The following TLL2 variants were observed in gnomAD, a reference collection of about 807,000 sequenced individuals.
TLL2 encodes tolloid-like protein 2.
TLL2 carries 106 observed loss-of-function variants against 123.0 expected under a neutral mutation model. That is an observed-to-expected ratio of 0.86 (90% CI 0.74 to 1.01). The LOEUF (loss-of-function observed/expected upper bound fraction) is 1.01. Among genes scored for constraint, TLL2 ranks in the 50% least tolerant of loss-of-function variants. The pLI is 0.00. For missense variants in TLL2, 1,332 were observed against 1,336.7 expected (o/e 1.00, Z 0.06); for synonymous variants, 494 against 516.8 (o/e 0.96, Z 0.60).
chr10:96,374,971 G>T (rs985853088), intron 18 of TLL2, among the ~76,000 whole-genome samples: 13 of 144,564 alleles, frequency 9.0e-5, no homozygotes, highest in African/African-American at 1.8e-4. Flanking sequence ...CGGGGGGGGG[G>T]GGGGGGTGTC....
chr10:96,466,041 G>A (rs761830013), intron 2 of TLL2, among the ~76,000 whole-genome samples: 5 of 152,318 alleles, frequency 3.3e-5, no homozygotes, highest in Middle Eastern at 6.8e-3. Flanking sequence ...AGGACCTCTC[G>A]CTTGAAGGGG....
intron 10 of TLL2, among the ~76,000 whole-genome samples, chr10:96,398,014 C>T (rs1250634941): frequency 2.6e-5 from 4 of 152,162 alleles, no homozygotes; most frequent in Admixed American, 2.6e-4. Flanking sequence ...AGAGTGGCAG[C>T]AAGACCCTGG....
intron 10 of TLL2, among the ~76,000 whole-genome samples, chr10:96,400,563 G>A (rs1817675651): frequency 6.6e-6 from 1 of 152,166 alleles, no homozygotes; most frequent in Non-Finnish European, 1.5e-5. Flanking sequence ...AGTCTTGGCT[G>A]TTTGACTCAC....
At chr10:96,478,862 T>TG (rs1320982723) in intron 2 of TLL2, among the ~76,000 whole-genome samples, 7 of 152,140 alleles carry the variant, frequency 4.6e-5, no homozygotes, top group Non-Finnish European at 4.4e-5. Context: ...GTGTGGGTGG[T>TG]GGTCCCATGG....
At position 96,385,423 on chromosome 10, in the gene TLL2, T is replaced by C. The variant is rs772247162; in HGVS notation, c.2013+632A>G. Among the ~76,000 whole-genome samples, 6 of 152,202 alleles carry C rather than the reference T, an allele frequency of 3.9e-5. No individual in the cohort carries two copies. In the South Asian group the frequency reaches 8.3e-4, roughly 21 times the overall value. ...TCATGGGCGCCATGGCCTCCATGCA[T>C]TGGGGTCATCAGCATTGAGGTCTCC... On this transcript the variant is annotated intron_variant, in intron 15 of 20. Coordinates refer to ENST00000357947, the MANE Select transcript of TLL2 (RefSeq NM_012465.4).
chr10:96,374,863 G>C (rs10748674), intron 18 of TLL2, among the ~76,000 whole-genome samples: 145,104 of 151,978 alleles, frequency 0.95, 69,637 homozygotes, highest in East Asian at 1. Context: ...CGACTGATGG[G>C]AGCCCCAGCG....
chr10:96,426,015 T>C (rs1055432983), intron 5 of TLL2, among the ~76,000 whole-genome samples: 1 of 152,124 alleles, frequency 6.6e-6, no homozygotes, highest in African/African-American at 2.4e-5. Context: ...TGTATATTTA[T>C]ACTTACATAT....
intron 4 of TLL2, among the ~76,000 whole-genome samples, chr10:96,430,268 G>A (rs1391969537): frequency 2.0e-5 from 3 of 152,166 alleles, no homozygotes; most frequent in Admixed American, 1.3e-4. Context: ...TTGTTTAAAA[G>A]TGTGTGGTAC....
At chr10:96,403,654 A>G (rs1433436670) in intron 10 of TLL2, among the ~76,000 whole-genome samples, 1 of 152,160 alleles carries the variant, frequency 6.6e-6, no homozygotes, top group Non-Finnish European at 1.5e-5. Context: ...TCGTGGGATG[A>G]GAAAGACCTG....
intron 15 of TLL2, among the ~76,000 whole-genome samples, chr10:96,384,971 G>A (rs1477972654): frequency 6.6e-6 from 1 of 152,220 alleles, no homozygotes. Flanking sequence ...CTCTGTGGGG[G>A]TGCCATCGCC....
intron 3 of TLL2, among the ~76,000 whole-genome samples, chr10:96,433,262 C>T (rs901828757): frequency 6.6e-6 from 1 of 152,044 alleles, no homozygotes; most frequent in Admixed American, 6.6e-5. Flanking sequence ...TTGGGTGGGG[C>T]TGAGGTTGGG....
chr10:96,389,892 T>C (rs1039691395), intron 13 of TLL2, among the ~76,000 whole-genome samples: 3 of 152,264 alleles, frequency 2.0e-5, no homozygotes, highest in African/African-American at 7.2e-5. Context: ...CTGAGCTCTC[T>C]CTAGCAAGAG....
chr10:96,464,229 C>A (rs1469864306), intron 2 of TLL2, among the ~76,000 whole-genome samples: 1 of 151,820 alleles, frequency 6.6e-6, no homozygotes, highest in Non-Finnish European at 1.5e-5. Context: ...ACTGAAAATA[C>A]AAAAATTAGC....
intron 1 of TLL2, among the ~76,000 whole-genome samples, chr10:96,500,160 A>AAAAAAAAAAAAACAC (rs1847520913): frequency 1.2e-5 from 1 of 86,346 alleles, no homozygotes; most frequent in African/African-American, 4.4e-5. Context: ...AAAAAAAAAA[A>AAAAAAAAAAAAACAC]TACAAAAATT....
At chr10:96,472,768 A>G (rs562580601) in intron 2 of TLL2, among the ~76,000 whole-genome samples, 11 of 152,050 alleles carry the variant, frequency 7.2e-5, no homozygotes, top group Admixed American at 7.2e-4. Context: ...AGAAAAAAAG[A>G]AAAAAAAGCT....
intron 1 of TLL2, among the ~76,000 whole-genome samples, chr10:96,486,684 T>C (rs1021565802): frequency 6.6e-6 from 1 of 152,230 alleles, no homozygotes; most frequent in African/African-American, 2.4e-5. Context: ...CCCAGATGCA[T>C]GCTTCAGAAC....
intron 2 of TLL2, among the ~76,000 whole-genome samples, chr10:96,455,242 T>A (rs1847000983): frequency 1.3e-5 from 2 of 151,782 alleles, no homozygotes; most frequent in South Asian, 4.2e-4. Context: ...AAAAATAAAA[T>A]TAAATAAATA....
intron 3 of TLL2, among the ~76,000 whole-genome samples, chr10:96,437,026 T>C (rs1275003772): frequency 1.3e-5 from 2 of 152,174 alleles, no homozygotes; most frequent in African/African-American, 2.4e-5. Context: ...TTGCCTCATA[T>C]AGCTTTTTTC....
intron 3 of TLL2, among the ~76,000 whole-genome samples, chr10:96,441,542 G>A (rs1846850742): frequency 1.3e-5 from 2 of 152,210 alleles, no homozygotes; most frequent in Admixed American, 1.3e-4. Flanking sequence ...GTGAAGTTTG[G>A]GAACCACTGA....
Sources: gnomAD v4.1 joint callset for allele counts (sites outside exome capture counted in the v4.1 genomes callset) on GRCh38, gnomAD v4.1.1 for gene constraint, MANE v1.5 for transcripts, NCBI Gene and HGNC (gene_info 2026-07-23, HGNC 2026-07-21) for gene names.